The following PHF13 variants were observed in gnomAD, a reference collection of about 807,000 sequenced individuals.
PHF13 encodes the protein PHD zinc finger protein PHF5.
PHF13 carries 1 observed loss-of-function variant against 25.8 expected under a neutral mutation model. The ratio of observed to expected loss-of-function variants is 0.04; its 90% CI spans 0.01 to 0.18. The LOEUF (loss-of-function observed/expected upper bound fraction) is 0.18, where lower values mean the gene tolerates loss of function less well. Among genes scored for constraint, PHF13 ranks in the 10% least tolerant of loss-of-function variants. The pLI is 1.00. For synonymous variants in PHF13, 195 were observed against 162.4 expected (o/e 1.20, Z -1.53); for missense variants, 306 against 403.2 (o/e 0.76, Z 2.06).
intron 1 of PHF13, among the ~76,000 whole-genome samples, chr1:6,615,806 C>T (rs1641253206): frequency 6.6e-6 from 1 of 152,178 alleles, no homozygotes; most frequent in South Asian, 2.1e-4. Context: ...GCAAAAACCT[C>T]CACTATTCCG....
rs1641364894 is a variant in PHF13, at chr1:6,623,034, G to T, written c.*1397G>T. On this transcript the variant is annotated 3_prime_UTR_variant, in exon 4 of 4. Transcript: ENST00000377648. Reference sequence around the variant, plus strand: ...ATAAGCATTGTTTCTTTAAGGCATGGAAAGGGAAGAATGCTCAAGCAAGTC... The same window carrying T: ...ATAAGCATTGTTTCTTTAAGGCATGTAAAGGGAAGAATGCTCAAGCAAGTC... 1 of 152,220 alleles carries T rather than the reference G, an allele frequency of 6.6e-6. No individual in the cohort carries two copies. Among genetic ancestry groups the T allele is most frequent in the Non-Finnish European group, 1.5e-5 (1 of 68,046 alleles). 9.4% of individuals were successfully genotyped at this position (152,220 alleles called of 1,614,324 possible). A position where few individuals can be genotyped will look rare whatever the true frequency, so the allele number is the denominator to read the frequency against.
At chr1:6,618,676 C>T (rs865983205) in intron 2 of PHF13, among the ~76,000 whole-genome samples, 6 of 152,124 alleles carry the variant, frequency 3.9e-5, no homozygotes, top group Admixed American at 3.9e-4. Context: ...CGGAGTCTTG[C>T]TCTGTGGCTC....
At position 6,621,709 on chromosome 1, in the gene PHF13, T is replaced by G; in HGVS notation, c.*72T>G. 6.9e-7 allele frequency: 1 copy of G among 1,457,976 alleles called. No homozygotes were observed. The highest frequency in any genetic ancestry group is 1.2e-5 in the South Asian group (1 of 86,552). The allele number at this position is 1,457,976 out of a possible 1,614,324, so 90.3% of individuals were successfully genotyped here. On this transcript the variant is annotated 3_prime_UTR_variant, in exon 4 of 4. Transcript: ENST00000377648. This position sits in a 1 kb window ranked among gnomAD's most constrained non-coding sequence, Gnocchi z 4.8. Reference sequence around the variant, plus strand: ...CGGGCTTTTTTGCCCTTCTCTTAGTTGAGCACAGAACCCTCAGCTCTGGTG... The same window carrying G: ...CGGGCTTTTTTGCCCTTCTCTTAGTGGAGCACAGAACCCTCAGCTCTGGTG...
At chr1:6,618,062 G>A (rs1456395156) in intron 2 of PHF13, among the ~76,000 whole-genome samples, 2 of 152,218 alleles carry the variant, frequency 1.3e-5, no homozygotes, top group Non-Finnish European at 2.9e-5. Flanking sequence ...GAACAGGGCA[G>A]GACTGGAGGA....
Position 6,620,127 on chromosome 1 carries a change from A to C in PHF13, c.466A>C (p.Thr156Pro). Residue 156 changes from threonine (T) to proline (P), a missense_variant, in exon 3 of 4, where the codon ACC becomes CCC. Physicochemically the swap from Thr to Pro is conservative, Grantham distance 38. Coordinates refer to ENST00000377648, the MANE Select transcript of PHF13 (RefSeq NM_153812.3). ...DPYVETPTSP[T>P]LQDIPQAPSD... The stretch of plus-strand genomic sequence containing the variant: ...CTACGTGGAGACCCCCACGAGTCCC[A>C]CCTTGCAGGATATCCCCCAGGCTCC... 6.2e-7 allele frequency: 1 copy of C among 1,613,590 alleles called. No homozygotes were observed. Among genetic ancestry groups the C allele is most frequent in the South Asian group, 1.1e-5 (1 of 91,080 alleles).
intron 1 of PHF13, chr1:6,614,321 C>T (rs1324991254): frequency 9.4e-6 from 5 of 530,716 alleles, no homozygotes; most frequent in East Asian, 3.5e-5. Flanking sequence ...CCGCGGACCT[C>T]CGCGTCCTCC....
chr1:6,621,281 G>A lies in PHF13; in HGVS notation c.677-130G>A, dbSNP rs942751871. 1.1e-6 allele frequency: 1 copy of A among 941,308 alleles called. No individual in the cohort carries two copies. Among genetic ancestry groups the A allele is most frequent in the Non-Finnish European group, 1.6e-6 (1 of 610,076 alleles). 58.3% of individuals were successfully genotyped at this position (941,308 alleles called of 1,614,324 possible). On this transcript the variant is annotated intron_variant, in intron 3 of 3. Coordinates refer to ENST00000377648, the MANE Select transcript of PHF13 (RefSeq NM_153812.3). The surrounding 1 kb of genome is among the most constrained non-coding windows in gnomAD (Gnocchi z 4.8). ...GGAGCCCCTCGTGCCTTTTCAGAGA[G>A]AAGTGTCAGCTTCGAGTGGCAGTTG...
At position 6,620,163 on chromosome 1, in the gene PHF13, T is replaced by A; in HGVS notation, c.502T>A (p.Cys168Ser). 3 of 1,613,922 alleles carry A rather than the reference T, an allele frequency of 1.9e-6. No homozygotes were observed. The highest frequency in any genetic ancestry group is 2.5e-6 in the Non-Finnish European group (3 of 1,180,022). ...QDIPQAPSDP[C>S]SGWDSDTPSS... ...TATCCCCCAGGCTCCCAGCGACCCC[T>A]GCTCGGGCTGGGACTCCGATACTCC... The change falls in exon 3 of 4, where the codon TGC becomes AGC. Residue 168 changes from cysteine (C) to serine (S), a missense_variant. By Grantham distance (112) the Cys-to-Ser change is moderately radical (BLOSUM62 -1). Around this residue, in one of 5 missense-constraint regions of PHF13, gnomAD observed 186 missense variants for 164.0 expected, o/e 1.13. Coordinates refer to ENST00000377648, the MANE Select transcript of PHF13 (RefSeq NM_153812.3).
rs930856143 is a variant in PHF13, at chr1:6,620,194, G to A, written c.533G>A (p.Ser178Asn). 2.5e-6 allele frequency: 4 copies of A among 1,614,032 alleles called. No individual in the cohort carries two copies. The highest frequency in any genetic ancestry group is 3.4e-6 in the Non-Finnish European group (4 of 1,180,034). The change falls in exon 3 of 4, where the codon AGT becomes AAT. Residue 178 changes from serine to asparagine, a missense_variant. Ser to Asn is a conservative substitution (Grantham distance 46). Coordinates refer to ENST00000377648, the MANE Select transcript of PHF13 (RefSeq NM_153812.3). The part of the protein sequence containing the change: ...CSGWDSDTPS[S>N]GSCATVSPDQ... ...GGCTGGGACTCCGATACTCCCTCGA[G>A]TGGATCTTGTGCCACTGTGTCACCT...
chr1:6,619,740 A>T lies in PHF13; in HGVS notation c.142-63A>T, dbSNP rs1570227975. 13 of 1,500,036 alleles carry T rather than the reference A, an allele frequency of 8.7e-6. No individual in the cohort carries two copies. In the South Asian group the frequency reaches 1.4e-4, roughly 17 times the overall value. 92.9% of individuals were successfully genotyped at this position (1,500,036 alleles called of 1,614,324 possible). A position where few individuals can be genotyped will look rare whatever the true frequency, so the allele number is the denominator to read the frequency against. On this transcript the variant is annotated intron_variant, in intron 2 of 3. Transcript: ENST00000377648. ...GTCTGACATGGCTGGGTGGCTGGGG[A>T]TGCTCTGCTCTGGGCTGGATCTTGT...
chr1:6,618,610 G>C (rs1339323274), intron 2 of PHF13, among the ~76,000 whole-genome samples: 1 of 152,122 alleles, frequency 6.6e-6, no homozygotes, highest in African/African-American at 2.4e-5. Flanking sequence ...ATTTCCATCT[G>C]CTACATAGGT....
At chr1:6,618,135 A>G (rs2148709955) in intron 2 of PHF13, among the ~76,000 whole-genome samples, 1 of 150,108 alleles carries the variant, frequency 6.7e-6, no homozygotes, top group Middle Eastern at 3.5e-3. Flanking sequence ...AAATTGAACA[A>G]TCCAGCTTTT....
At chr1:6,616,044 T>TTTTA (rs1641256048) in intron 1 of PHF13, among the ~76,000 whole-genome samples, 2 of 149,520 alleles carry the variant, frequency 1.3e-5, no homozygotes, top group South Asian at 2.2e-4. Flanking sequence ...TTTTTTTTTT[T>TTTTA]TTGAGTTGGA....
At chr1:6,614,312 C>T in intron 1 of PHF13, 1 of 536,398 alleles carries the variant, frequency 1.9e-6, no homozygotes, top group South Asian at 2.3e-5. Flanking sequence ...GCGTCCCCTC[C>T]GCGGACCTCC....
rs1392101695 is a variant in PHF13 at position 6,622,820 on chromosome 1, T to C, written c.*1183T>C. ...CTGGGAGGCCCCTGTGAGGGCCAGC[T>C]CTGGAAAAACCTGGGAGTTGATGCC... On this transcript the variant is annotated 3_prime_UTR_variant, in exon 4 of 4. Transcript: ENST00000377648. The C allele has an allele frequency of 2.0e-5, 3 of 152,066 alleles. No individual in the cohort carries two copies. Among genetic ancestry groups the C allele is most frequent in the Non-Finnish European group, 4.4e-5 (3 of 68,038 alleles). The allele number at this position is 152,066 out of a possible 1,614,324, so 9.4% of individuals were successfully genotyped here.
intron 1 of PHF13, chr1:6,614,732 C>G (rs1641230354): frequency 6.7e-6 from 1 of 150,080 alleles, no homozygotes; most frequent in African/African-American, 2.4e-5. Flanking sequence ...GCGCGCTGGC[C>G]TCTCTCTTCG....
chr1:6,619,680 C>T (rs535802897), intron 2 of PHF13, 123 bp from the exon 3 acceptor site: 4 of 1,007,368 alleles, frequency 4.0e-6, no homozygotes, highest in Admixed American at 2.3e-5. Flanking sequence ...TGCTGATGGG[C>T]AGAGAAGCTC....
rs1322110287 is a variant in PHF13, at chr1:6,623,071, C to T, written c.*1434C>T. On this transcript the variant is annotated 3_prime_UTR_variant, in exon 4 of 4. Transcript: ENST00000377648. Reference sequence around the variant, plus strand: ...TGCTCAAGCAAGTCATGTTTGTTTTCAGTGGGATGGGCCCGCGTTCTCACT... The same window carrying T: ...TGCTCAAGCAAGTCATGTTTGTTTTTAGTGGGATGGGCCCGCGTTCTCACT... 2 of 152,270 alleles carry T rather than the reference C, an allele frequency of 1.3e-5. No homozygotes were observed. The highest frequency in any genetic ancestry group is 6.5e-5 in the Admixed American group (1 of 15,284). 9.4% of individuals were successfully genotyped at this position (152,270 alleles called of 1,614,324 possible).
At position 6,613,898 on chromosome 1, in the gene PHF13, CAG is replaced by C. The variant is rs1641208667; in HGVS notation, c.-166_-165del. On this transcript the variant is annotated 5_prime_UTR_variant, in exon 1 of 4. Coordinates refer to ENST00000377648, the MANE Select transcript of PHF13 (RefSeq NM_153812.3). ...CGGTGGAACCGCCAGTCCGGGGTCA[CAG>C]AGCTTGAGAAGCGACGCGCTGAGCC... 3 of 531,370 alleles carry C rather than the reference CAG, an allele frequency of 5.6e-6. No individual in the cohort carries two copies. The highest frequency in any genetic ancestry group is 9.8e-6 in the Non-Finnish European group (3 of 305,184). The allele number at this position is 531,370 out of a possible 1,614,324, so 32.9% of individuals were successfully genotyped here.
Sources: gnomAD v4.1 joint callset for allele counts (sites outside exome capture counted in the v4.1 genomes callset) on GRCh38, gnomAD v4.1.1 for gene constraint, gnomAD v4.1.1 regional missense constraint, Gnocchi (gnomAD v3.1) non-coding constraint, MANE v1.5 for transcripts, NCBI Gene and HGNC (gene_info 2026-07-23, HGNC 2026-07-21) for gene names.